The following TMEM120B variants were observed in gnomAD, a reference collection of about 807,000 sequenced individuals.
TMEM120B encodes transmembrane protein 120B.
In TMEM120B, 31 loss-of-function variants were observed where a neutral mutation model predicts 55.5. The ratio of observed to expected loss-of-function variants is 0.56; its 90% CI spans 0.42 to 0.75. TMEM120B has a LOEUF of 0.75. TMEM120B is among the 30% of genes least tolerant of loss of function. TMEM120B has a pLI of 0.00. For missense variants in TMEM120B, 399 were observed against 425.5 expected (o/e 0.94, Z 0.55); for synonymous variants, 203 against 176.3 (o/e 1.15, Z -1.20).
intron 1 of TMEM120B, among the ~76,000 whole-genome samples, chr12:121,716,768 G>A (rs1333585849): frequency 6.6e-6 from 1 of 151,790 alleles, no homozygotes; most frequent in African/African-American, 2.4e-5. Flanking sequence ...TCACCATCTT[G>A]GCCAGTCTGG....
intron 5 of TMEM120B, among the ~76,000 whole-genome samples, chr12:121,754,530 C>T (rs1000135326): frequency 2.0e-5 from 3 of 152,184 alleles, no homozygotes; most frequent in Admixed American, 6.5e-5. Flanking sequence ...CCACAGGCTT[C>T]GGGGAGGGAG....
intron 5 of TMEM120B, among the ~76,000 whole-genome samples, chr12:121,757,587 G>T (rs919696411): frequency 1.3e-5 from 2 of 151,656 alleles, no homozygotes; most frequent in African/African-American, 4.8e-5. Context: ...CACGATCTTG[G>T]CTCACTGCAA....
Position 121,779,991 on chromosome 12 carries a change from CAGAA to C in TMEM120B, c.*4272_*4275del. On this transcript the variant is annotated 3_prime_UTR_variant, in exon 12 of 12. Coordinates refer to ENST00000449592, the MANE Select transcript of TMEM120B (RefSeq NM_001080825.2). ...GTGAGAAGAGTTGGAGGCCTCAAGA[CAGAA>C]AGGACTTCCAGCCACCTCTCTCCCT... 1 of 267,958 alleles carries C rather than the reference CAGAA, an allele frequency of 3.7e-6. No homozygotes were observed. Among genetic ancestry groups the C allele is most frequent in the Non-Finnish European group, 7.2e-6 (1 of 139,260 alleles). The allele number at this position is 267,958 out of a possible 1,614,324, so 16.6% of individuals were successfully genotyped here.
intron 4 of TMEM120B, 102 bp downstream of exon 4, chr12:121,750,541 C>T (rs1424339766): frequency 2.3e-6 from 2 of 858,102 alleles, no homozygotes; most frequent in South Asian, 3.0e-5. Context: ...CCCACATCCA[C>T]ACCCACACCA....
At chr12:121,721,729 A>G (rs1235226692) in intron 1 of TMEM120B, among the ~76,000 whole-genome samples, 4 of 149,864 alleles carry the variant, frequency 2.7e-5, no homozygotes, top group Non-Finnish European at 4.4e-5. Flanking sequence ...CAGCCTCCCA[A>G]AGTGCTGGGA....
rs141367865 is a variant in TMEM120B at position 121,733,790 on chromosome 12, G to A, written c.70-9839G>A. On this transcript the variant is annotated intron_variant, in intron 1 of 11. Transcript: ENST00000449592. ...TGACCTCAAGTGATCCGCCCACCTC[G>A]GCCTCCCAAAGTGCTAGGATTACAG... Among the ~76,000 whole-genome samples, 572 of 152,136 alleles carry A rather than the reference G, an allele frequency of 3.8e-3. 2 individuals carry two copies. The highest frequency in any genetic ancestry group is 0.013 in the African/African-American group (547 of 41,516).
Position 121,733,388 on chromosome 12 carries a change from G to A in TMEM120B, c.70-10241G>A, listed in dbSNP as rs377186899. On this transcript the variant is annotated intron_variant, in intron 1 of 11. Transcript: ENST00000449592. ...GCCTCCCAAGTAGCTGGGACTACAG[G>A]CGCCCGCCACCATGCCTGGCTAATT... Among the ~76,000 whole-genome samples, 19 of 151,936 alleles carry A rather than the reference G, an allele frequency of 1.3e-4. No individual in the cohort carries two copies. In the East Asian group the frequency reaches 2.1e-3, roughly 17 times the overall value.
At chr12:121,754,739 C>G (rs1311046171) in intron 5 of TMEM120B, among the ~76,000 whole-genome samples, 1 of 152,114 alleles carries the variant, frequency 6.6e-6, no homozygotes, top group Non-Finnish European at 1.5e-5. Context: ...CTACAAAGAC[C>G]CTGTTTCCAA....
In TMEM120B at chr12:121,718,228, A is replaced by G. The variant is rs143426992; in HGVS notation, c.69+5264A>G. 1.9e-3 allele frequency among the ~76,000 whole-genome samples: 286 copies of G among 152,310 alleles called. 2 individuals carry two copies. Among genetic ancestry groups the G allele is most frequent in the African/African-American group, 6.5e-3 (271 of 41,572 alleles). ...CCTGGCGCAGTGGCCCATGCCTGTAATCCCAGCACTTTGGGAGGCTAAGGA... is the reference window on the plus strand; with the variant it reads ...CCTGGCGCAGTGGCCCATGCCTGTAGTCCCAGCACTTTGGGAGGCTAAGGA... On this transcript the variant is annotated intron_variant, in intron 1 of 11. Coordinates refer to ENST00000449592, the MANE Select transcript of TMEM120B (RefSeq NM_001080825.2).
intron 5 of TMEM120B, among the ~76,000 whole-genome samples, chr12:121,760,487 G>A (rs1443850726): frequency 6.6e-6 from 1 of 152,160 alleles, no homozygotes; most frequent in Admixed American, 6.5e-5. Context: ...TGGGAGGGGC[G>A]CGTGCGCAGT....
chr12:121,731,721 TG>T (rs1566509598), intron 1 of TMEM120B, among the ~76,000 whole-genome samples: 1 of 152,258 alleles, frequency 6.6e-6, no homozygotes, highest in Non-Finnish European at 1.5e-5. Context: ...GACACATGAC[TG>T]TACCACAGTA....
intron 5 of TMEM120B, chr12:121,758,597 G>A (rs1484048714): frequency 2.0e-6 from 2 of 982,074 alleles, no homozygotes; most frequent in Non-Finnish European, 2.4e-6. Context: ...TCACCATGGA[G>A]GAGGACGGCC....
chr12:121,779,103 C>T lies in TMEM120B; in HGVS notation c.*3381C>T. 1 of 193,138 alleles carries T rather than the reference C, an allele frequency of 5.2e-6. No individual in the cohort carries two copies. 12.0% of individuals were successfully genotyped at this position (193,138 alleles called of 1,614,324 possible). ...TCTCGGGAGCCCAGGGAGGCAGGGACACAGGAGTGGCAGGCTTGGGGCGCC... is the reference window on the plus strand; with the variant it reads ...TCTCGGGAGCCCAGGGAGGCAGGGATACAGGAGTGGCAGGCTTGGGGCGCC... On this transcript the variant is annotated 3_prime_UTR_variant, in exon 12 of 12. Coordinates refer to ENST00000449592, the MANE Select transcript of TMEM120B (RefSeq NM_001080825.2).
intron 6 of TMEM120B, among the ~76,000 whole-genome samples, chr12:121,764,160 C>A (rs9737915): frequency 0.1 from 11,821 of 117,846 alleles, 873 homozygotes; most frequent in African/African-American, 0.22. Context: ...TCATCTTTAC[C>A]AAAAAAAAAA....
intron 1 of TMEM120B, among the ~76,000 whole-genome samples, chr12:121,726,595 TAA>T (rs1894898506): frequency 5.5e-5 from 7 of 126,356 alleles, no homozygotes; most frequent in Admixed American, 4.7e-4. Context: ...AAAAATAAAA[TAA>T]AATAATAATA....
Position 121,712,975 on chromosome 12 carries a change from G to A in TMEM120B, c.69+11G>A. 6.5e-7 allele frequency: 1 copy of A among 1,533,540 alleles called. No individual in the cohort carries two copies. Among genetic ancestry groups the A allele is most frequent in the South Asian group, 1.2e-5 (1 of 80,244 alleles). 95.0% of individuals were successfully genotyped at this position (1,533,540 alleles called of 1,614,324 possible). On this transcript the variant is annotated intron_variant, in intron 1 of 11. Transcript: ENST00000449592. ...TTTCAAGAACTGCAGGTAGGGCCAG[G>A]CCACCTGGTCCCGCAACTCTGCTGC... is the stretch of plus-strand genomic sequence containing the variant.
At chr12:121,757,383 C>T (rs1330762478) in intron 5 of TMEM120B, among the ~76,000 whole-genome samples, 1 of 151,920 alleles carries the variant, frequency 6.6e-6, no homozygotes, top group African/African-American at 2.4e-5. Context: ...ACTCTGTCTC[C>T]GAGGCTGGAG....
intron 2 of TMEM120B, among the ~76,000 whole-genome samples, chr12:121,746,787 T>C (rs1227011897): frequency 6.6e-6 from 1 of 151,948 alleles, no homozygotes; most frequent in Non-Finnish European, 1.5e-5. Flanking sequence ...ACCCCATCTC[T>C]TCTAAAAATA....
Position 121,734,582 on chromosome 12 carries a change from T to G in TMEM120B, c.70-9047T>G, listed in dbSNP as rs115828555. On this transcript the variant is annotated intron_variant, in intron 1 of 11. Transcript: ENST00000449592. Reference sequence around the variant, plus strand: ...CATGAAAGTTTCTTTTTCTTTGTTTTTTTAGTTTGCAAAATAAGTTTTATT... The same window carrying G: ...CATGAAAGTTTCTTTTTCTTTGTTTGTTTAGTTTGCAAAATAAGTTTTATT... Among the ~76,000 whole-genome samples the G allele has an allele frequency of 3.3e-3, 498 of 151,964 alleles. 4 individuals are homozygous for G. Among genetic ancestry groups the G allele is most frequent in the African/African-American group, 0.011 (470 of 41,500 alleles).
Sources: allele counts gnomAD v4.1 joint callset (sites outside exome capture counted in the v4.1 genomes callset), GRCh38; gene constraint gnomAD v4.1.1; transcripts MANE v1.5; gene names NCBI Gene and HGNC (gene_info 2026-07-23, HGNC 2026-07-21).